Variants in IL11RA observed in about 807,000 individuals in gnomAD.
IL11RA encodes the protein interleukin-11 receptor subunit alpha.
Under a neutral mutation model 57.0 loss-of-function variants are expected in IL11RA, and 51 were observed. The observed-to-expected ratio is 0.89, with a 90% CI of 0.71 to 1.13. The LOEUF (loss-of-function observed/expected upper bound fraction) is 1.13. IL11RA is among the 50% of genes most tolerant of loss of function. The pLI is 0.00. For synonymous variants in IL11RA, 199 were observed against 217.5 expected, an observed-to-expected ratio of 0.91 and a Z score of 0.75; for missense variants, 498 against 539.4, an observed-to-expected ratio of 0.92 and a Z score of 0.76.
In IL11RA at chr9:34,661,516, C is replaced by A. The variant is rs765711697; in HGVS notation, c.*18C>A. 5.0e-6 allele frequency: 8 copies of A among 1,613,214 alleles called. No homozygotes were observed. Among genetic ancestry groups the A allele is most frequent in the Non-Finnish European group, 6.8e-6 (8 of 1,179,308 alleles). On this transcript the variant is annotated 3_prime_UTR_variant, in exon 13 of 13. Transcript: ENST00000441545. ...ACCTGTAGAGGACCCAGGAGGGCTT[C>A]GGCAGATTCCACCTATAATTCTGTC...
At chr9:34,654,916 A>C in intron 1 of IL11RA, 1 of 362,634 alleles carries the variant, frequency 2.8e-6, no homozygotes, top group Non-Finnish European at 5.2e-6. Flanking sequence ...AGTTGCTGGC[A>C]CAGTCTGTTG....
Position 34,661,809 on chromosome 9 carries a change from G to T in IL11RA, c.*311G>T. The T allele has an allele frequency of 1.0e-6, 1 of 983,740 alleles. No individual in the cohort carries two copies. Among genetic ancestry groups the T allele is most frequent in the Non-Finnish European group, 1.6e-6 (1 of 644,382 alleles). 60.9% of individuals were successfully genotyped at this position (983,740 alleles called of 1,614,324 possible). On this transcript the variant is annotated 3_prime_UTR_variant, in exon 13 of 13. Transcript: ENST00000441545. The stretch of plus-strand genomic sequence containing the variant: ...ATGTATGTAGGTGCCTGGGGAGTGT[G>T]TGTGGGTCCTTGGCTCTTGGCCTTT...
rs979409545 is a variant in IL11RA at position 34,661,003 on chromosome 9, G to A, written c.1252+67G>A. 4.7e-6 allele frequency: 6 copies of A among 1,280,428 alleles called. No homozygotes were observed. The African/African-American group carries it at 7.3e-5, about 16-fold the overall frequency. 79.3% of individuals were successfully genotyped at this position (1,280,428 alleles called of 1,614,324 possible). A position where few individuals can be genotyped will look rare whatever the true frequency, so the allele number is the denominator to read the frequency against. ...CCCCTATTTTGAGTGTCCAGATTAA[G>A]AGCTGGCTGCCCTAGTCATTTTAAA... is the stretch of plus-strand genomic sequence containing the variant. On this transcript the variant is annotated intron_variant, in intron 12 of 12. Transcript: ENST00000441545.
rs1295623609 is a variant in IL11RA at position 34,659,994 on chromosome 9, C to T, written c.952+94C>T. The T allele has an allele frequency of 1.1e-5, 16 of 1,460,106 alleles. 1 individual carries two copies. Among genetic ancestry groups the T allele is most frequent in the Middle Eastern group, 1.7e-4 (1 of 5,778 alleles). 90.4% of individuals were successfully genotyped at this position (1,460,106 alleles called of 1,614,324 possible). On this transcript the variant is annotated intron_variant, in intron 9 of 12. Transcript: ENST00000441545. ...AAAAGACAGGCAGGTGGCACATGCC[C>T]TGCCCACACAGGCACGGCAATTGCT...
Position 34,661,850 on chromosome 9 carries a change from G to T in IL11RA, c.*352G>T. 1 of 1,445,966 alleles carries T rather than the reference G, an allele frequency of 6.9e-7. No individual in the cohort carries two copies. Among genetic ancestry groups the T allele is most frequent in the Non-Finnish European group, 9.6e-7 (1 of 1,045,600 alleles). 89.6% of individuals were successfully genotyped at this position (1,445,966 alleles called of 1,614,324 possible). A position where few individuals can be genotyped will look rare whatever the true frequency, so the allele number is the denominator to read the frequency against. On this transcript the variant is annotated 3_prime_UTR_variant, in exon 13 of 13. Transcript: ENST00000441545. ...CTTGGCCTTTCCCCTTGCAGGGGTT[G>T]TGCAGGTGTGAATAAAGAGAATAAG...
chr9:34,657,745 C>T (rs1037617653), intron 7 of IL11RA, among the ~76,000 whole-genome samples, 158 bp downstream of exon 7: 1 of 152,178 alleles, frequency 6.6e-6, no homozygotes, highest in African/African-American at 2.4e-5. Flanking sequence ...GGGATCAGAG[C>T]CCAGGAGGCA....
chr9:34,656,830 G>T lies in IL11RA; in HGVS notation c.253G>T (p.Asp85Tyr). The T allele has an allele frequency of 6.2e-7, 1 of 1,614,188 alleles. No individual in the cohort carries two copies. The highest frequency in any genetic ancestry group is 8.5e-7 in the Non-Finnish European group (1 of 1,180,016). ...GCATGAACTGGTCCTGGCCCAGGCA[G>T]ACAGCACTGATGAGGGCACCTACAT... is the stretch of plus-strand genomic sequence containing the variant. Reference protein sequence around the residue: ...LGHELVLAQADSTDEGTYICQ... With the variant: ...LGHELVLAQAYSTDEGTYICQ... The change falls in exon 4 of 13, where the codon GAC (aspartate) becomes TAC (tyrosine). Residue 85 changes from aspartate (D) to tyrosine (Y), a missense_variant. Physicochemically the swap from Asp to Tyr is radical, Grantham distance 160 (BLOSUM62 -3). Transcript: ENST00000441545.
rs1371111384 is a variant in IL11RA, at chr9:34,653,199, AG to A, written c.-1+970del. ...TTTAGGCGGTGCTGTGAGCCCTGGT[AG>A]GGGCTGTGTGCGTGTGTGACTGCGT... On this transcript the variant is annotated intron_variant, in intron 1 of 12. Coordinates refer to ENST00000441545, the MANE Select transcript of IL11RA (RefSeq NM_001142784.3). This position sits in a 1 kb window ranked among gnomAD's most constrained non-coding sequence, Gnocchi z 4.5. Among the ~76,000 whole-genome samples, 2 of 152,072 alleles carry A rather than the reference AG, an allele frequency of 1.3e-5. No individual in the cohort carries two copies. Among genetic ancestry groups the A allele is most frequent in the Non-Finnish European group, 2.9e-5 (2 of 68,016 alleles).
At position 34,655,299 on chromosome 9, in the gene IL11RA, C is replaced by T. The variant is rs774749917; in HGVS notation, c.82C>T (p.Gln28Ter). 7 of 1,605,804 alleles carry T rather than the reference C, an allele frequency of 4.4e-6. No individual in the cohort carries two copies. In the Admixed American group the frequency reaches 1.0e-4, roughly 23 times the overall value. ...ALVSASSPCP[Q>*]AWGPPGVQYG... ...GGTGTCTGCCTCCTCCCCCTGCCCC[C>T]AGGCCTGGGGCCCCCCAGGTGAGAA... is the stretch of plus-strand genomic sequence containing the variant. The change falls in exon 2 of 13, where the codon CAG (glutamine) becomes TAG (stop). Residue 28 changes from glutamine (Q) to a stop codon, truncating the protein, a stop_gained. Transcript: ENST00000441545. LOFTEE classifies it high-confidence loss of function.
chr9:34,652,624 T>C (rs555417198), intron 1 of IL11RA, among the ~76,000 whole-genome samples: 23 of 152,120 alleles, frequency 1.5e-4, no homozygotes, highest in Non-Finnish European at 2.5e-4. Flanking sequence ...TGGCTGGCTT[T>C]GTGTGTGCCA....
At chr9:34,659,673 G>A in intron 8 of IL11RA, 86 bp from the exon 9 acceptor site, 1 of 1,535,600 alleles carries the variant, frequency 6.5e-7, no homozygotes, top group Admixed American at 1.7e-5. Flanking sequence ...GGATGAGACT[G>A]GGAGCAAGGG....
chr9:34,659,400 G>C (rs1022697930), intron 8 of IL11RA, among the ~76,000 whole-genome samples: 1 of 152,166 alleles, frequency 6.6e-6, no homozygotes, highest in Admixed American at 6.5e-5. Context: ...ACTTAGTGCT[G>C]CCTGCCTGTG....
rs532417800 is a variant in IL11RA at position 34,661,778 on chromosome 9, G to A, written c.*280G>A. The A allele has an allele frequency of 2.6e-6, 2 of 775,566 alleles. No homozygotes were observed. The highest frequency in any genetic ancestry group is 4.3e-6 in the Non-Finnish European group (2 of 462,874). 48.0% of individuals were successfully genotyped at this position (775,566 alleles called of 1,614,324 possible). ...GTGAGGCAGGGAACATGTATTCTCT[G>A]CATGCATGTATGTAGGTGCCTGGGG... On this transcript the variant is annotated 3_prime_UTR_variant, in exon 13 of 13. Transcript: ENST00000441545.
rs746091368 is a variant in IL11RA at position 34,660,483 on chromosome 9, ACATGTGGCCCT to A, written c.1073-19_1073-9del. ...AGCTTGGTCAGGCTTGCTCTCAGTG[ACATGTGGCCCT>A]CCCCCTCAGATCACAGGGACTCTGT... On this transcript the variant is annotated splice_polypyrimidine_tract_variant and intron_variant, in intron 10 of 12. Coordinates refer to ENST00000441545, the MANE Select transcript of IL11RA (RefSeq NM_001142784.3). 2.0e-5 allele frequency: 33 copies of A among 1,613,932 alleles called. No individual in the cohort carries two copies. The East Asian group carries it at 7.3e-4, about 36-fold the overall frequency.
At chr9:34,660,975 T>C (rs1348298557) in intron 12 of IL11RA, 39 bp downstream of exon 12, 6 of 1,524,656 alleles carry the variant, frequency 3.9e-6, no homozygotes, top group African/African-American at 1.4e-5. Context: ...TTGGAGATGT[T>C]TGCCCCTATT....
rs775348905 is a variant in IL11RA at position 34,658,582 on chromosome 9, C to T, written c.709C>T (p.Arg237Ter). 18 of 1,614,014 alleles carry T rather than the reference C, an allele frequency of 1.1e-5. No homozygotes were observed. Among genetic ancestry groups the T allele is most frequent in the South Asian group, 4.4e-5 (4 of 91,086 alleles). The change falls in exon 8 of 13, where the codon CGA becomes TGA. Residue 237 changes from arginine (R) to a stop codon, truncating the protein, a stop_gained. Transcript: ENST00000441545. LOFTEE classifies it high-confidence loss of function. The surrounding 1 kb of genome is among the most constrained non-coding windows in gnomAD (Gnocchi z 4.0). The stretch of plus-strand genomic sequence containing the variant: ...AGTACCAGGTTACCCCCGACGCCTG[C>T]GAGCCAGCTGGACATACCCTGCCTC... The part of the protein sequence containing the change: ...ESVPGYPRRL[R>*]ASWTYPASWP...
At position 34,655,610 on chromosome 9, in the gene IL11RA, C is replaced by A. The variant is rs201295842; in HGVS notation, c.106C>A (p.Gln36Lys). 6.2e-7 allele frequency: 1 copy of A among 1,613,986 alleles called. No individual in the cohort carries two copies. The highest frequency in any genetic ancestry group is 8.5e-7 in the Non-Finnish European group (1 of 1,179,948). The change falls in exon 3 of 13, where the codon CAG (glutamine) becomes AAG (lysine). Residue 36 changes from glutamine to lysine, a missense_variant. Transcript: ENST00000441545. ...CPQAWGPPGV[Q>K]YGQPGRSVKL... ...CTCAGAAGTGCCCTCCACAGGGGTC[C>A]AGTATGGGCAGCCAGGCAGGTCCGT...
Position 34,660,756 on chromosome 9 carries a change from T to G in IL11RA, c.1170-98T>G, listed in dbSNP as rs1486389424. ...TCCATCCCCCATGCCCCACTTGATT[T>G]TAACTGATTCCTCTCCTGACCCTTT... is the stretch of plus-strand genomic sequence containing the variant. On this transcript the variant is annotated intron_variant, in intron 11 of 12. Coordinates refer to ENST00000441545, the MANE Select transcript of IL11RA (RefSeq NM_001142784.3). 7.0e-6 allele frequency: 9 copies of G among 1,280,486 alleles called. No individual in the cohort carries two copies. The East Asian group carries it at 2.1e-4, about 30-fold the overall frequency. The allele number at this position is 1,280,486 out of a possible 1,614,324, so 79.3% of individuals were successfully genotyped here.
rs1282634910 is a variant in IL11RA at position 34,661,806 on chromosome 9, T to A, written c.*308T>A. ...TGCATGTATGTAGGTGCCTGGGGAGTGTGTGTGGGTCCTTGGCTCTTGGCC... is the reference window on the plus strand; with the variant it reads ...TGCATGTATGTAGGTGCCTGGGGAGAGTGTGTGGGTCCTTGGCTCTTGGCC... On this transcript the variant is annotated 3_prime_UTR_variant, in exon 13 of 13. Coordinates refer to ENST00000441545, the MANE Select transcript of IL11RA (RefSeq NM_001142784.3). 1.1e-5 allele frequency: 10 copies of A among 930,956 alleles called. No homozygotes were observed. The highest frequency in any genetic ancestry group is 1.7e-5 in the Non-Finnish European group (10 of 599,194). 57.7% of individuals were successfully genotyped at this position (930,956 alleles called of 1,614,324 possible). A position where few individuals can be genotyped will look rare whatever the true frequency, so the allele number is the denominator to read the frequency against.
Sources: allele counts gnomAD v4.1 joint callset (sites outside exome capture counted in the v4.1 genomes callset), GRCh38; gene constraint gnomAD v4.1.1; non-coding constraint Gnocchi (gnomAD v3.1); transcripts MANE v1.5; gene names NCBI Gene and HGNC (gene_info 2026-07-23, HGNC 2026-07-21).